ESF1: variants seen among roughly 807,000 people sequenced by gnomAD.
ESF1 encodes the protein ESF1 homolog.
A neutral mutation model predicts 92.0 loss-of-function variants in ESF1; 58 were observed. The observed-to-expected ratio is 0.63, with a 90% CI of 0.51 to 0.78. The LOEUF (loss-of-function observed/expected upper bound fraction) is 0.78, where lower values mean the gene tolerates loss of function less well. Ranked by LOEUF, ESF1 falls within the 30% of genes least tolerant of loss-of-function variation. The pLI, the probability that ESF1 is intolerant of heterozygous loss-of-function variation, is 0.00. For synonymous variants in ESF1, 321 were observed against 313.7 expected, an observed-to-expected ratio of 1.02 and a Z score of -0.24; for missense variants, 922 against 989.1, an observed-to-expected ratio of 0.93 and a Z score of 0.91.
At chr20:13,759,997 G>C in intron 8 of ESF1, 144 bp from the exon 9 acceptor site, 1 of 1,316,232 alleles carries the variant, frequency 7.6e-7, no homozygotes, top group Non-Finnish European at 9.9e-7. Context: ...TTAAATGAAA[G>C]ACTTAGGGTC....
chr20:13,733,718 T>C lies in ESF1; in HGVS notation c.1950+3A>G, dbSNP rs2049958384. On this transcript the variant is annotated splice_donor_region_variant and intron_variant, in intron 10 of 13. Transcript: ENST00000617257. ...AACATTTGGTCATAATTATCAATGA[T>C]ACCTTCTGTTTCCTTTTCAGTCTTT... The C allele has an allele frequency of 1.2e-6, 2 of 1,611,210 alleles. No homozygotes were observed. The highest frequency in any genetic ancestry group is 2.7e-5 in the African/African-American group (2 of 74,892).
At chr20:13,768,512 G>A (rs1979529705) in intron 7 of ESF1, among the ~76,000 whole-genome samples, 1 of 151,958 alleles carries the variant, frequency 6.6e-6, no homozygotes, top group Non-Finnish European at 1.5e-5. Context: ...AACCTGGGAG[G>A]CAGAGGTTGC....
chr20:13,756,689 C>T (rs991729871), intron 9 of ESF1, among the ~76,000 whole-genome samples: 1 of 152,116 alleles, frequency 6.6e-6, no homozygotes, highest in African/African-American at 2.4e-5. Flanking sequence ...GTGAGAGAAC[C>T]ACAGGTTGAT....
At chr20:13,742,724 T>TG (rs1294386952) in intron 9 of ESF1, among the ~76,000 whole-genome samples, 1 of 151,720 alleles carries the variant, frequency 6.6e-6, no homozygotes, top group South Asian at 2.1e-4. Flanking sequence ...TAATATTAAG[T>TG]GAAAAAAAAA....
chr20:13,753,576 T>C (rs2147755037), intron 9 of ESF1, among the ~76,000 whole-genome samples: 1 of 152,114 alleles, frequency 6.6e-6, no homozygotes, highest in Middle Eastern at 3.4e-3. Flanking sequence ...TTTCCAATAC[T>C]CCTGTCATAA....
At chr20:13,728,905 GT>G (rs1356028807) in intron 10 of ESF1, among the ~76,000 whole-genome samples, 2 of 151,736 alleles carry the variant, frequency 1.3e-5, no homozygotes, top group Non-Finnish European at 2.9e-5. Flanking sequence ...AAGTAAACCA[GT>G]TTTTAAATGG....
chr20:13,748,592 A>T (rs13044744), intron 9 of ESF1, among the ~76,000 whole-genome samples: 31,182 of 95,334 alleles, frequency 0.33, 4,890 homozygotes, highest in Non-Finnish European at 0.38. Context: ...ATATATATAT[A>T]TTTTTTTTTT....
intron 11 of ESF1, among the ~76,000 whole-genome samples, chr20:13,720,193 G>A (rs1403868609): frequency 6.6e-6 from 1 of 152,068 alleles, no homozygotes; most frequent in African/African-American, 2.4e-5. Flanking sequence ...AAGCTGTACT[G>A]CTGAGTGAAC....
rs927423814 is a variant in ESF1, at chr20:13,714,843, T to C, written c.*31A>G. On this transcript the variant is annotated 3_prime_UTR_variant, in exon 14 of 14. Coordinates refer to ENST00000617257, the MANE Select transcript of ESF1 (RefSeq NM_001276380.2). ...TATTTTTGTACATTTTAGGAAAAGA[T>C]GTATTCAGTTCAAAAATAAGTAACA... 3.3e-6 allele frequency: 5 copies of C among 1,528,696 alleles called. No homozygotes were observed. In the African/African-American group the frequency reaches 6.9e-5, roughly 21 times the overall value. 94.7% of individuals were successfully genotyped at this position (1,528,696 alleles called of 1,614,324 possible). A position where few individuals can be genotyped will look rare whatever the true frequency, so the allele number is the denominator to read the frequency against.
intron 10 of ESF1, among the ~76,000 whole-genome samples, chr20:13,732,568 G>A (rs1438080927): frequency 1.3e-5 from 2 of 152,182 alleles, no homozygotes; most frequent in African/African-American, 4.8e-5. Context: ...CTGAGTAACT[G>A]TGGATTCTGG....
chr20:13,725,524 C>T (rs1052459859), intron 11 of ESF1, among the ~76,000 whole-genome samples: 1 of 152,174 alleles, frequency 6.6e-6, no homozygotes. Context: ...TCTACTGAAA[C>T]CTCTACCACC....
At chr20:13,717,974 TTACTGTTTCAA>T (rs1568706989) in intron 12 of ESF1, among the ~76,000 whole-genome samples, 1 of 152,080 alleles carries the variant, frequency 6.6e-6, no homozygotes, top group Non-Finnish European at 1.5e-5. Context: ...TTTTTGGCCT[TTACTGTTTCAA>T]TACTGATACA....
At chr20:13,758,354 C>T (rs1277662082) in intron 9 of ESF1, among the ~76,000 whole-genome samples, 1 of 152,186 alleles carries the variant, frequency 6.6e-6, no homozygotes, top group Non-Finnish European at 1.5e-5. Flanking sequence ...CAGTAAACTT[C>T]ATTCGTTCTT....
In ESF1 at chr20:13,761,919, G is replaced by T. The variant is rs186216705; in HGVS notation, c.1667-2066C>A. Among the ~76,000 whole-genome samples the T allele has an allele frequency of 9.0e-4, 137 of 152,228 alleles. 1 individual carries two copies. The highest frequency in any genetic ancestry group is 3.2e-3 in the African/African-American group (131 of 41,554). On this transcript the variant is annotated intron_variant, in intron 8 of 13. Transcript: ENST00000617257. ...TATTGAATTGACTGTCTCAAGTAAAGGAAACTCTACTAGCAGGATAATGAA... is the reference window on the plus strand; with the variant it reads ...TATTGAATTGACTGTCTCAAGTAAATGAAACTCTACTAGCAGGATAATGAA...
intron 7 of ESF1, among the ~76,000 whole-genome samples, chr20:13,768,915 AAAG>A (rs1979557681): frequency 7.3e-6 from 1 of 136,956 alleles, no homozygotes; most frequent in Admixed American, 7.3e-5. Context: ...AAAAAAAAAG[AAAG>A]AAAGGAAAAG....
Position 13,759,985 on chromosome 20 carries a change from T to A in ESF1, c.1667-132A>T, listed in dbSNP as rs73100123. The A allele has an allele frequency of 0.11, 148,724 of 1,364,502 alleles. 9,031 individuals carry two copies. Among genetic ancestry groups the A allele is most frequent in the Non-Finnish European group, 0.12 (128,444 of 1,053,398 alleles). The allele number at this position is 1,364,502 out of a possible 1,614,324, so 84.5% of individuals were successfully genotyped here. A position where few individuals can be genotyped will look rare whatever the true frequency, so the allele number is the denominator to read the frequency against. ...TCAAAATCAGACTTAAATTTCTGAATATTAAATGAAAGACTTAGGGTCTCA... is the reference window on the plus strand; with the variant it reads ...TCAAAATCAGACTTAAATTTCTGAAAATTAAATGAAAGACTTAGGGTCTCA... On this transcript the variant is annotated intron_variant, in intron 8 of 13. Transcript: ENST00000617257.
chr20:13,752,876 T>G (rs1170305489), intron 9 of ESF1, among the ~76,000 whole-genome samples: 1 of 152,032 alleles, frequency 6.6e-6, no homozygotes, highest in Non-Finnish European at 1.5e-5. Flanking sequence ...ACACCCCTAC[T>G]CCATGCCCAA....
At position 13,715,075 on chromosome 20, in the gene ESF1, A is replaced by G. The variant is rs752370123; in HGVS notation, c.2355T>C (p.Ala785=). 12 of 1,613,720 alleles carry G rather than the reference A, an allele frequency of 7.4e-6. No homozygotes were observed. Among genetic ancestry groups the G allele is most frequent in the South Asian group, 5.5e-5 (5 of 91,074 alleles). ...PSDPNFKKTK[A]MEKILEEKAR... ...CCTTCTCCTCAAGGATTTTTTCCAT[A>G]GCTTTTGTTTTCTTGAAATTGGGAT... Residue 785 remains alanine, a synonymous_variant, in exon 14 of 14, where the codon GCT becomes GCC. Transcript: ENST00000617257.
At position 13,747,941 on chromosome 20, in the gene ESF1, A is replaced by G. The variant is rs116445101; in HGVS notation, c.1828+11751T>C. On this transcript the variant is annotated intron_variant, in intron 9 of 13. Coordinates refer to ENST00000617257, the MANE Select transcript of ESF1 (RefSeq NM_001276380.2). ...CTACAAACCTGTACAGCATGTTACT[A>G]TACTGAATGCTGTAGGCAATTGTAA... Among the ~76,000 whole-genome samples, 574 of 152,346 alleles carry G rather than the reference A, an allele frequency of 3.8e-3. 3 individuals are homozygous for G. The highest frequency in any genetic ancestry group is 0.013 in the African/African-American group (526 of 41,586).
Sources: allele counts gnomAD v4.1 joint callset (sites outside exome capture counted in the v4.1 genomes callset), GRCh38; gene constraint gnomAD v4.1.1; transcripts MANE v1.5; gene names NCBI Gene and HGNC (gene_info 2026-07-23, HGNC 2026-07-21).